The following CAMTA1 variants were observed in gnomAD, a reference collection of about 807,000 sequenced individuals.
CAMTA1 encodes the protein calmodulin-binding transcription activator 1.
In CAMTA1, 27 loss-of-function variants were observed where a neutral mutation model predicts 170.9. The ratio of observed to expected loss-of-function variants is 0.16; its 90% CI spans 0.12 to 0.22. The LOEUF (loss-of-function observed/expected upper bound fraction) is 0.22. CAMTA1 is among the 10% of genes least tolerant of loss of function. The pLI is 1.00. For missense variants in CAMTA1, 1,619 were observed against 2,217.2 expected, an observed-to-expected ratio of 0.73 and a Z score of 5.42; for synonymous variants, 833 against 891.5, an observed-to-expected ratio of 0.93 and a Z score of 1.17.
At chr1:7,533,137 C>G (rs1472382958) in intron 6 of CAMTA1, among the ~76,000 whole-genome samples, 1 of 152,184 alleles carries the variant, frequency 6.6e-6, no homozygotes, top group Non-Finnish European at 1.5e-5. Context: ...GGGGATGTGC[C>G]CAGGAGTCTC....
chr1:7,665,142 G>T lies in CAMTA1; in HGVS notation c.2595G>T (p.Gln865His). ...ASAQGTLGML[Q>H]QSGRVFMVTD... Reference sequence around the variant, plus strand: ...CCCAGGGCACCCTAGGCATGCTGCAGCAGAGCGGACGGGTGTTCATGGTGA... The same window carrying T: ...CCCAGGGCACCCTAGGCATGCTGCATCAGAGCGGACGGGTGTTCATGGTGA... Residue 865 changes from glutamine to histidine, a missense_variant, in exon 9 of 23, where the codon CAG becomes CAT. Coordinates refer to ENST00000303635, the MANE Select transcript of CAMTA1 (RefSeq NM_015215.4). The surrounding 1 kb of genome is among the most constrained non-coding windows in gnomAD (Gnocchi z 4.3). 6.6e-7 allele frequency: 1 copy of T among 1,512,674 alleles called. No homozygotes were observed. 93.7% of individuals were successfully genotyped at this position (1,512,674 alleles called of 1,614,324 possible).
Position 7,063,194 on chromosome 1 carries a change from G to GA in CAMTA1, c.235-28104dup, listed in dbSNP as rs1371639338. On this transcript the variant is annotated intron_variant, in intron 3 of 22. Coordinates refer to ENST00000303635, the MANE Select transcript of CAMTA1 (RefSeq NM_015215.4). The surrounding 1 kb of genome is among the most constrained non-coding windows in gnomAD (Gnocchi z 4.3). ...GATGCTGATCGGATAACCAGTGCCC[G>GA]AAAAAATGTGGTTGTTGAATTTGCT... Among the ~76,000 whole-genome samples the GA allele has an allele frequency of 6.6e-6, 1 of 152,090 alleles. No homozygotes were observed. Among genetic ancestry groups the GA allele is most frequent in the Non-Finnish European group, 1.5e-5 (1 of 68,022 alleles).
chr1:7,756,068 C>T (rs970058330), intron 22 of CAMTA1, among the ~76,000 whole-genome samples: 14 of 151,590 alleles, frequency 9.2e-5, no homozygotes, highest in African/African-American at 3.4e-4. Flanking sequence ...ATTTTCTCAA[C>T]GATTGCTTTG....
At chr1:7,131,248 G>A (rs1010458295) in intron 4 of CAMTA1, among the ~76,000 whole-genome samples, 1 of 152,106 alleles carries the variant, frequency 6.6e-6, no homozygotes, top group Non-Finnish European at 1.5e-5. Flanking sequence ...CACTGCGCCC[G>A]GCCGCCTTTT....
At chr1:7,354,512 A>G (rs1464691492) in intron 5 of CAMTA1, among the ~76,000 whole-genome samples, 1 of 152,198 alleles carries the variant, frequency 6.6e-6, no homozygotes, top group Admixed American at 6.5e-5. Flanking sequence ...TACCTTTGCT[A>G]TTTTGCATAA....
chr1:7,025,559 G>A (rs1299068997), intron 3 of CAMTA1, among the ~76,000 whole-genome samples: 1 of 152,234 alleles, frequency 6.6e-6, no homozygotes, highest in African/African-American at 2.4e-5. Flanking sequence ...GTGCAACTCT[G>A]TGCCAGGCAC....
chr1:7,070,574 C>T (rs1638509380), intron 3 of CAMTA1, among the ~76,000 whole-genome samples: 1 of 152,148 alleles, frequency 6.6e-6, no homozygotes, highest in Non-Finnish European at 1.5e-5. Flanking sequence ...CACGGTGATG[C>T]CTGTTGCCCC....
intron 16 of CAMTA1, among the ~76,000 whole-genome samples, chr1:7,743,022 G>T: frequency 6.6e-6 from 1 of 152,050 alleles, no homozygotes; most frequent in Admixed American, 6.5e-5. Context: ...CTAATTTTGG[G>T]GGTTTTTTTG....
Position 7,565,554 on chromosome 1 carries a change from G to A in CAMTA1, c.511-74846G>A, listed in dbSNP as rs2095030083. 1.3e-5 allele frequency among the ~76,000 whole-genome samples: 2 copies of A among 152,140 alleles called. No individual in the cohort carries two copies. The highest frequency in any genetic ancestry group is 2.1e-4 in the South Asian group (1 of 4,826). On this transcript the variant is annotated intron_variant, in intron 6 of 22. Transcript: ENST00000303635. This position sits in a 1 kb window ranked among gnomAD's most constrained non-coding sequence, Gnocchi z 4.5. The stretch of plus-strand genomic sequence containing the variant: ...TAGGCTGTCCGGAACAGCAGGACGG[G>A]GCTGGCAGAGCTTGGGACCCTCGAA...
At chr1:6,995,290 C>CTTTTTTTTTTTT (rs1212463100) in intron 3 of CAMTA1, among the ~76,000 whole-genome samples, 1 of 82,280 alleles carries the variant, frequency 1.2e-5, no homozygotes, top group African/African-American at 4.8e-5. Flanking sequence ...TCTTTTTTTT[C>CTTTTTTTTTTTT]TTTTCTTTTT....
intron 6 of CAMTA1, among the ~76,000 whole-genome samples, chr1:7,498,601 G>C (rs1003613188): frequency 6.6e-6 from 1 of 151,652 alleles, no homozygotes; most frequent in South Asian, 2.1e-4. Context: ...GTACGTGTGA[G>C]TGTGAACATC....
At chr1:7,676,009 G>A (rs1317188736) in intron 10 of CAMTA1, among the ~76,000 whole-genome samples, 2 of 152,210 alleles carry the variant, frequency 1.3e-5, no homozygotes, top group African/African-American at 2.4e-5. Flanking sequence ...CATCCCCCCC[G>A]ACCCCAAGCT....
chr1:7,671,765 G>C (rs978887695), intron 10 of CAMTA1, among the ~76,000 whole-genome samples: 1 of 152,116 alleles, frequency 6.6e-6, no homozygotes, highest in East Asian at 1.9e-4. Flanking sequence ...CCCTTCCCCA[G>C]GCTCCAGCAT....
intron 5 of CAMTA1, among the ~76,000 whole-genome samples, chr1:7,466,990 C>T (rs577761024): frequency 2.1e-4 from 32 of 151,174 alleles, no homozygotes; most frequent in East Asian, 9.9e-4. Context: ...GCCTGGCCCA[C>T]GGTGCCCAGC....
intron 2 of CAMTA1, among the ~76,000 whole-genome samples, chr1:6,824,698 A>G (rs1270444470): frequency 2.0e-5 from 3 of 152,192 alleles, no homozygotes; most frequent in Non-Finnish European, 4.4e-5. Flanking sequence ...AATTCTTCTT[A>G]CCTAAGAAAC....
In CAMTA1 at chr1:7,300,417, C is replaced by T. The variant is rs1674584681; in HGVS notation, c.438+50791C>T. 6.6e-6 allele frequency among the ~76,000 whole-genome samples: 1 copy of T among 152,222 alleles called. No individual in the cohort carries two copies. Among genetic ancestry groups the T allele is most frequent in the Non-Finnish European group, 1.5e-5 (1 of 68,042 alleles). On this transcript the variant is annotated intron_variant, in intron 5 of 22. Coordinates refer to ENST00000303635, the MANE Select transcript of CAMTA1 (RefSeq NM_015215.4). The surrounding 1 kb of genome is among the most constrained non-coding windows in gnomAD (Gnocchi z 4.1). Reference sequence around the variant, plus strand: ...AGAGGCCAGGCGCAGTGGCTCACGCCTGTAATCCCCATACTTTGGGAGGCC... The same window carrying T: ...AGAGGCCAGGCGCAGTGGCTCACGCTTGTAATCCCCATACTTTGGGAGGCC...
At chr1:6,859,728 G>A (rs892031488) in intron 3 of CAMTA1, among the ~76,000 whole-genome samples, 1 of 152,202 alleles carries the variant, frequency 6.6e-6, no homozygotes, top group Non-Finnish European at 1.5e-5. Flanking sequence ...AGTCGAGGCT[G>A]CAGTGAGCTG....
rs1673532588 is a variant in CAMTA1 at position 6,887,439 on chromosome 1, A to G, written c.234+62229A>G. Among the ~76,000 whole-genome samples, 1 of 152,176 alleles carries G rather than the reference A, an allele frequency of 6.6e-6. No homozygotes were observed. The highest frequency in any genetic ancestry group is 1.5e-5 in the Non-Finnish European group (1 of 68,022). ...TATCATAGGCGAAGAAGTCAGACAT[A>G]TATGGTTGTATGTACATGTGTATAG... On this transcript the variant is annotated intron_variant, in intron 3 of 22. Transcript: ENST00000303635. This position sits in a 1 kb window ranked among gnomAD's most constrained non-coding sequence, Gnocchi z 4.1.
intron 3 of CAMTA1, among the ~76,000 whole-genome samples, chr1:6,982,673 C>T (rs1382733919): frequency 2.0e-5 from 3 of 152,326 alleles, no homozygotes; most frequent in East Asian, 3.9e-4. Flanking sequence ...CCTGTCCCCA[C>T]GCAGTTGGCA....
Sources: gnomAD v4.1 joint callset for allele counts (sites outside exome capture counted in the v4.1 genomes callset) on GRCh38, gnomAD v4.1.1 for gene constraint, Gnocchi (gnomAD v3.1) non-coding constraint, MANE v1.5 for transcripts, NCBI Gene and HGNC (gene_info 2026-07-23, HGNC 2026-07-21) for gene names.